SH3BP5: variants seen among roughly 807,000 people sequenced by gnomAD.
SH3BP5 encodes the protein SH3 domain binding protein 5.
In SH3BP5, 22 loss-of-function variants were observed where a neutral mutation model predicts 43.3. That is an observed-to-expected ratio of 0.51 (90% CI 0.36 to 0.73). SH3BP5 has a LOEUF of 0.73. SH3BP5 is among the 30% of genes least tolerant of loss of function. The probability of loss-of-function intolerance (pLI) is 0.00; values close to 1 mark genes in which losing one functional copy is unlikely to be tolerated. For synonymous variants in SH3BP5, 255 were observed against 225.8 expected, an observed-to-expected ratio of 1.13 and a Z score of -1.16; for missense variants, 529 against 586.9, an observed-to-expected ratio of 0.90 and a Z score of 1.02.
At chr3:15,297,027 C>T (rs1249390437) in intron 3 of SH3BP5, among the ~76,000 whole-genome samples, 1 of 152,076 alleles carries the variant, frequency 6.6e-6, no homozygotes, top group African/African-American at 2.4e-5. Context: ...AAAATCAATG[C>T]CTAGAATTTC....
intron 7 of SH3BP5, chr3:15,258,563 T>C (rs755409618): frequency 1.2e-5 from 6 of 486,626 alleles, no homozygotes; most frequent in Non-Finnish European, 1.8e-5. Context: ...CAGCCTTGAA[T>C]GTTCAAATGT....
At chr3:15,273,184 T>C in intron 3 of SH3BP5, 1 of 985,442 alleles carries the variant, frequency 1.0e-6, no homozygotes, top group Non-Finnish European at 1.2e-6. Context: ...GATTTGTATT[T>C]GCCTTTTTAG....
chr3:15,309,909 C>CA (rs569045228), intron 2 of SH3BP5, among the ~76,000 whole-genome samples: 24 of 108,328 alleles, frequency 2.2e-4, no homozygotes, highest in East Asian at 1.7e-3. Flanking sequence ...CCGCTCCACC[C>CA]CCCCCCCATA....
chr3:15,340,902 A>C (rs1698757853), intron 1 of SH3BP5, among the ~76,000 whole-genome samples: 1 of 151,792 alleles, frequency 6.6e-6, no homozygotes, highest in Non-Finnish European at 1.5e-5. Flanking sequence ...AAAATACAAA[A>C]TCAGCTGGGC....
Position 15,256,946 on chromosome 3 carries a change from C to T in SH3BP5, c.1057G>A (p.Val353Met), listed in dbSNP as rs762529272. The T allele has an allele frequency of 1.2e-6, 2 of 1,614,240 alleles. No individual in the cohort carries two copies. Among genetic ancestry groups the T allele is most frequent in the Non-Finnish European group, 1.7e-6 (2 of 1,180,034 alleles). Reference sequence around the variant, plus strand: ...ATCATCCCAAACTCTGACAGGGACACAGGGCTGGGCAGATCCAGGCTGCCA... The same window carrying T: ...ATCATCCCAAACTCTGACAGGGACATAGGGCTGGGCAGATCCAGGCTGCCA... ...RPGSLDLPSPVSLSEFGMMFP... is the reference protein window; with the variant it reads ...RPGSLDLPSPMSLSEFGMMFP... The change falls in exon 8 of 9, where the codon GTG (valine) becomes ATG (methionine). Residue 353 changes from valine to methionine, a missense_variant. Around this residue, in one of 3 missense-constraint regions of SH3BP5, gnomAD observed 369 missense variants for 384.3 expected, o/e 0.96. Coordinates refer to ENST00000383791, the MANE Select transcript of SH3BP5 (RefSeq NM_004844.5).
intron 2 of SH3BP5, among the ~76,000 whole-genome samples, chr3:15,319,292 T>C (rs111976444): frequency 1.3e-5 from 2 of 152,362 alleles, no homozygotes; most frequent in African/African-American, 4.8e-5. Flanking sequence ...TTAAGGTCAC[T>C]GGGAATACTA....
intron 3 of SH3BP5, among the ~76,000 whole-genome samples, chr3:15,276,321 C>T (rs1169747853): frequency 6.6e-6 from 1 of 152,126 alleles, no homozygotes; most frequent in Admixed American, 6.5e-5. Context: ...CAGTTCAAGC[C>T]CCTCATTTTT....
At chr3:15,337,088 T>TTTTG (rs1481934712), upstream of SH3BP5, among the ~76,000 whole-genome samples, 25 of 133,876 alleles carry the variant, frequency 1.9e-4, no homozygotes, top group African/African-American at 6.8e-4. Context: ...AGTTTAGTTT[T>TTTTG]TTTTTTTTTT....
intron 3 of SH3BP5, among the ~76,000 whole-genome samples, chr3:15,291,192 C>T (rs1293079063): frequency 6.6e-6 from 1 of 152,164 alleles, no homozygotes; most frequent in African/African-American, 2.4e-5. Context: ...CATTCGCATG[C>T]TTTTTAGTAT....
chr3:15,289,103 A>T (rs7643856), intron 3 of SH3BP5, among the ~76,000 whole-genome samples: 27,216 of 152,062 alleles, frequency 0.18, 3,531 homozygotes, highest in African/African-American at 0.37. Flanking sequence ...GGGTAACTTA[A>T]GCCCACCTTT....
At position 15,304,248 on chromosome 3, in the gene SH3BP5, C is replaced by A. The variant is rs1279421829; in HGVS notation, c.202-17G>T. 1 of 1,614,082 alleles carries A rather than the reference C, an allele frequency of 6.2e-7. No homozygotes were observed. The highest frequency in any genetic ancestry group is 2.2e-5 in the East Asian group (1 of 44,872). Reference sequence around the variant, plus strand: ...ACGAGCATCCTGCAGCCAGGGGAAACCGAGGAAACACAGTTGAGGCTTAAG... The same window carrying A: ...ACGAGCATCCTGCAGCCAGGGGAAAACGAGGAAACACAGTTGAGGCTTAAG... On this transcript the variant is annotated splice_polypyrimidine_tract_variant and intron_variant, in intron 2 of 8. Coordinates refer to ENST00000383791, the MANE Select transcript of SH3BP5 (RefSeq NM_004844.5).
chr3:15,273,927 T>C (rs1696886622), intron 3 of SH3BP5, among the ~76,000 whole-genome samples: 1 of 152,144 alleles, frequency 6.6e-6, no homozygotes, highest in Admixed American at 6.5e-5. Context: ...GCCATATTAG[T>C]CCATTCTTGT....
rs1317977115 is a variant in SH3BP5, at chr3:15,262,305, GAGTTCAGCCC to G, written c.496-26_496-17del. On this transcript the variant is annotated splice_polypyrimidine_tract_variant and intron_variant, in intron 4 of 8. Transcript: ENST00000383791. ...CCTCCATGACCTTAAAATGACAGCA[GAGTTCAGCCC>G]AGTCCAGCCCAGAACAGCCCAGGCT... is the stretch of plus-strand genomic sequence containing the variant. The G allele has an allele frequency of 1.9e-6, 3 of 1,613,814 alleles. No homozygotes were observed. In the African/African-American group the frequency reaches 4.0e-5, roughly 22 times the overall value.
chr3:15,332,485 A>C lies in SH3BP5; in HGVS notation c.-77T>G. ...TCGCGGCTGCCACAGGCTGGGCTGG[A>C]GCCGCCTCGCCACAGCCGGGCACGG... On this transcript the variant is annotated 5_prime_UTR_variant, in exon 1 of 9. Coordinates refer to ENST00000383791, the MANE Select transcript of SH3BP5 (RefSeq NM_004844.5). 1.5e-6 allele frequency: 2 copies of C among 1,369,346 alleles called. No individual in the cohort carries two copies. The highest frequency in any genetic ancestry group is 1.9e-6 in the Non-Finnish European group (2 of 1,069,454). The allele number at this position is 1,369,346 out of a possible 1,614,324, so 84.8% of individuals were successfully genotyped here.
intron 3 of SH3BP5, among the ~76,000 whole-genome samples, chr3:15,285,742 C>A (rs1168813957): frequency 6.6e-6 from 1 of 152,204 alleles, no homozygotes; most frequent in East Asian, 1.9e-4. Context: ...CTCCAGTAGC[C>A]AGGAACATTG....
At chr3:15,283,423 T>C (rs1476961917) in intron 3 of SH3BP5, among the ~76,000 whole-genome samples, 2 of 152,170 alleles carry the variant, frequency 1.3e-5, no homozygotes, top group East Asian at 1.9e-4. Flanking sequence ...ATATCTAAGA[T>C]TGCCAATGAG....
chr3:15,333,208 C>A, upstream of SH3BP5: 4 of 985,478 alleles, frequency 4.1e-6, no homozygotes, highest in Non-Finnish European at 4.8e-6. Flanking sequence ...TTTCTGCCCA[C>A]CATCAACAAG....
intron 3 of SH3BP5, among the ~76,000 whole-genome samples, chr3:15,303,728 T>A (rs1024970329): frequency 4.0e-5 from 6 of 151,018 alleles, no homozygotes; most frequent in Admixed American, 1.3e-4. Context: ...GAACCGATGT[T>A]TCAAGAGAAG....
rs1575360649 is a variant in SH3BP5, at chr3:15,332,532, CA to C, written c.-125del. On this transcript the variant is annotated 5_prime_UTR_variant, in exon 1 of 9. Transcript: ENST00000383791. Reference sequence around the variant, plus strand: ...ACGGTCGGGGAGCCGCCGGGGCCGACACCCGGGAGACGCAGCTCGCCGATGC... The same window carrying C: ...ACGGTCGGGGAGCCGCCGGGGCCGACCCCGGGAGACGCAGCTCGCCGATGC... 8.0e-7 allele frequency: 1 copy of C among 1,247,222 alleles called. No homozygotes were observed. The highest frequency in any genetic ancestry group is 1.0e-6 in the Non-Finnish European group (1 of 998,660). The allele number at this position is 1,247,222 out of a possible 1,614,324, so 77.3% of individuals were successfully genotyped here.
Sources: allele counts gnomAD v4.1 joint callset (sites outside exome capture counted in the v4.1 genomes callset), GRCh38; gene constraint gnomAD v4.1.1; regional missense constraint gnomAD v4.1.1; transcripts MANE v1.5; gene names NCBI Gene and HGNC (gene_info 2026-07-23, HGNC 2026-07-21).